The following TMEM178B variants were observed in gnomAD, a reference collection of about 807,000 sequenced individuals.
TMEM178B encodes the protein transmembrane protein 178B.
A neutral mutation model predicts 31.0 loss-of-function variants in TMEM178B; 5 were observed. The observed-to-expected ratio is 0.16, with a 90% CI of 0.08 to 0.34. The LOEUF is 0.34. TMEM178B is among the 10% of genes least tolerant of loss of function. The probability of loss-of-function intolerance (pLI) is 1.00; values close to 1 mark genes in which losing one functional copy is unlikely to be tolerated. For synonymous variants in TMEM178B, 164 were observed against 164.0 expected, an observed-to-expected ratio of 1.00 and a Z score of 0.00; for missense variants, 275 against 400.3, an observed-to-expected ratio of 0.69 and a Z score of 2.67.
Position 141,408,915 on chromosome 7 carries a change from A to G in TMEM178B, c.497-28693A>G, listed in dbSNP as rs141947669. On this transcript the variant is annotated intron_variant, in intron 2 of 3. Coordinates refer to ENST00000565468, the MANE Select transcript of TMEM178B (RefSeq NM_001195278.2). Reference sequence around the variant, plus strand: ...AGTGGGAGGGCTGAGAGCCTCCATGAGTTGGGGAATTCATGGTAGATCTGA... The same window carrying G: ...AGTGGGAGGGCTGAGAGCCTCCATGGGTTGGGGAATTCATGGTAGATCTGA... Among the ~76,000 whole-genome samples, 39 of 152,252 alleles carry G rather than the reference A, an allele frequency of 2.6e-4. No homozygotes were observed. In the East Asian group the frequency reaches 7.5e-3, roughly 29 times the overall value.
intron 2 of TMEM178B, among the ~76,000 whole-genome samples, chr7:141,386,062 A>G (rs142376714): frequency 1.4e-4 from 21 of 152,320 alleles, no homozygotes; most frequent in Middle Eastern, 3.4e-3. Flanking sequence ...GCATTCATTC[A>G]TCAACTCAAG....
chr7:141,203,818 G>A (rs7797144), intron 1 of TMEM178B, among the ~76,000 whole-genome samples: 97,426 of 151,766 alleles, frequency 0.64, 31,733 homozygotes, highest in Middle Eastern at 0.7. Flanking sequence ...GCATGTGGTC[G>A]GCATTGAATA....
At chr7:141,356,343 T>A (rs1328031656) in intron 2 of TMEM178B, among the ~76,000 whole-genome samples, 1 of 152,014 alleles carries the variant, frequency 6.6e-6, no homozygotes, top group Non-Finnish European at 1.5e-5. Context: ...AAATAGTGTA[T>A]AAGCTTTCTC....
chr7:141,215,824 TTCTTTCTTTCTTTCTTTTC>T (rs1797129625), intron 2 of TMEM178B, among the ~76,000 whole-genome samples: 1 of 63,580 alleles, frequency 1.6e-5, no homozygotes, highest in Admixed American at 2.4e-4. Context: ...CTTTCTTTCT[TTCTTTCTTTCTTTCTTTTC>T]TTTTCTTTTC....
intron 2 of TMEM178B, among the ~76,000 whole-genome samples, chr7:141,401,931 T>A (rs1283216162): frequency 6.6e-6 from 1 of 152,162 alleles, no homozygotes; most frequent in Non-Finnish European, 1.5e-5. Flanking sequence ...CCCACAGCAC[T>A]ATAGTAAAAG....
intron 2 of TMEM178B, among the ~76,000 whole-genome samples, chr7:141,265,413 C>G (rs1027297586): frequency 6.6e-5 from 10 of 152,124 alleles, no homozygotes; most frequent in African/African-American, 2.2e-4. Context: ...CATGTTCATG[C>G]CTGTTCATCT....
chr7:141,433,563 G>A (rs912115662), intron 2 of TMEM178B, among the ~76,000 whole-genome samples: 2 of 152,148 alleles, frequency 1.3e-5, no homozygotes, highest in African/African-American at 4.8e-5. Flanking sequence ...TTAGGAGGAG[G>A]AAATGCTAGA....
At chr7:141,127,518 A>T (rs1227193209) in intron 1 of TMEM178B, among the ~76,000 whole-genome samples, 2 of 152,164 alleles carry the variant, frequency 1.3e-5, no homozygotes, top group Non-Finnish European at 2.9e-5. Context: ...CCACGTGAAT[A>T]TGTAGGCAGA....
chr7:141,343,774 C>T (rs1799560417), intron 2 of TMEM178B, among the ~76,000 whole-genome samples: 3 of 152,152 alleles, frequency 2.0e-5, no homozygotes, highest in Admixed American at 2.0e-4. Context: ...TGGTCTCAAT[C>T]TCCTGATCTC....
intron 2 of TMEM178B, among the ~76,000 whole-genome samples, chr7:141,373,887 A>G (rs764287217): frequency 7.2e-5 from 11 of 152,216 alleles, no homozygotes; most frequent in Non-Finnish European, 1.5e-4. Context: ...AAATTTTGTG[A>G]AAGAGGACTC....
At chr7:141,199,893 T>C (rs758393005) in intron 1 of TMEM178B, among the ~76,000 whole-genome samples, 5 of 151,992 alleles carry the variant, frequency 3.3e-5, no homozygotes, top group Non-Finnish European at 7.4e-5. Context: ...CTACTAAAAA[T>C]ACAAAAAATT....
intron 1 of TMEM178B, among the ~76,000 whole-genome samples, chr7:141,128,463 G>A (rs1213773755): frequency 6.6e-6 from 1 of 151,832 alleles, no homozygotes; most frequent in Non-Finnish European, 1.5e-5. Flanking sequence ...TTGCTACTCA[G>A]CATTGTAAAA....
At chr7:141,419,111 T>C (rs1801154468) in intron 2 of TMEM178B, among the ~76,000 whole-genome samples, 2 of 152,140 alleles carry the variant, frequency 1.3e-5, no homozygotes. Flanking sequence ...GATTTCACCA[T>C]GTTGACCAGG....
chr7:141,219,658 C>A (rs1797222843), intron 2 of TMEM178B, among the ~76,000 whole-genome samples: 1 of 152,182 alleles, frequency 6.6e-6, no homozygotes, highest in Non-Finnish European at 1.5e-5. Flanking sequence ...TCTTGTAAAC[C>A]TTTCAGTATA....
rs145256189 is a variant in TMEM178B at position 141,309,398 on chromosome 7, A to G, written c.496+96694A>G. ...CTCTCTCTCATTACAAAAGTAATAC[A>G]TGTTCATTGTAGACATTTGGAAAGT... On this transcript the variant is annotated intron_variant, in intron 2 of 3. Transcript: ENST00000565468. Among the ~76,000 whole-genome samples the G allele has an allele frequency of 3.0e-4, 46 of 152,334 alleles. No individual in the cohort carries two copies. In the East Asian group the frequency reaches 6.4e-3, roughly 21 times the overall value.
intron 1 of TMEM178B, among the ~76,000 whole-genome samples, chr7:141,192,327 AG>A (rs1796709788): frequency 6.6e-6 from 1 of 152,098 alleles, no homozygotes; most frequent in South Asian, 2.1e-4. Flanking sequence ...AAGGACCGTC[AG>A]GGTGTGGAGG....
chr7:141,489,262 G>A, the TMEM178B span, among the ~76,000 whole-genome samples: 6 of 152,174 alleles, frequency 3.9e-5, no homozygotes, highest in African/African-American at 1.4e-4. Flanking sequence ...AGCAGCTCCA[G>A]CCTTGATCTG....
At chr7:141,206,683 C>T (rs993250805) in intron 1 of TMEM178B, among the ~76,000 whole-genome samples, 1 of 152,166 alleles carries the variant, frequency 6.6e-6, no homozygotes, top group Non-Finnish European at 1.5e-5. Flanking sequence ...TGGGGTCATA[C>T]CAGCTACTTC....
At chr7:141,237,317 C>T (rs1356009578) in intron 2 of TMEM178B, among the ~76,000 whole-genome samples, 1 of 152,142 alleles carries the variant, frequency 6.6e-6, no homozygotes, top group Non-Finnish European at 1.5e-5. Flanking sequence ...AATTGTTCAT[C>T]ACTAAAAATT....
Sources: gnomAD v4.1 joint callset for allele counts (sites outside exome capture counted in the v4.1 genomes callset) on GRCh38, gnomAD v4.1.1 for gene constraint, MANE v1.5 for transcripts, NCBI Gene and HGNC (gene_info 2026-07-23, HGNC 2026-07-21) for gene names.